The following MAGI2 variants were observed in gnomAD, a reference collection of about 807,000 sequenced individuals.
MAGI2 encodes the protein membrane associated guanylate kinase, WW and PDZ domain containing 2.
A neutral mutation model predicts 133.3 loss-of-function variants in MAGI2; 35 were observed. The observed-to-expected ratio is 0.26, with a 90% confidence interval of 0.20 to 0.35. MAGI2 has a LOEUF of 0.35. Among genes scored for constraint, MAGI2 ranks in the 10% least tolerant of loss-of-function variants. The pLI is 1.00. For synonymous variants in MAGI2, 729 were observed against 710.6 expected (o/e 1.03, Z -0.41); for missense variants, 1,636 against 1,863.4 (o/e 0.88, Z 2.25).
intron 2 of MAGI2, among the ~76,000 whole-genome samples, chr7:78,734,558 G>A (rs539931952): frequency 6.6e-6 from 1 of 152,294 alleles, no homozygotes; most frequent in East Asian, 1.9e-4. Flanking sequence ...CTTCCTGTAA[G>A]AGCAAAGTAC....
At chr7:78,730,085 CAAGAT>C (rs1821221297) in intron 2 of MAGI2, among the ~76,000 whole-genome samples, 1 of 152,042 alleles carries the variant, frequency 6.6e-6, no homozygotes, top group Non-Finnish European at 1.5e-5. Flanking sequence ...ACTCAAATTA[CAAGAT>C]AAGCATAGAA....
intron 1 of MAGI2, among the ~76,000 whole-genome samples, chr7:79,132,790 C>T (rs1246702223): frequency 6.6e-6 from 1 of 152,090 alleles, no homozygotes; most frequent in Non-Finnish European, 1.5e-5. Flanking sequence ...ATTCCCTTTT[C>T]TTCACATTCA....
chr7:78,975,331 A>C (rs1804153139), intron 2 of MAGI2, among the ~76,000 whole-genome samples: 1 of 151,822 alleles, frequency 6.6e-6, no homozygotes, highest in Admixed American at 6.6e-5. Context: ...GTATGTTCTC[A>C]GATCACCAAG....
At chr7:78,843,062 C>T (rs960694860) in intron 2 of MAGI2, among the ~76,000 whole-genome samples, 3 of 151,734 alleles carry the variant, frequency 2.0e-5, no homozygotes, top group Non-Finnish European at 2.9e-5. Context: ...ATCAGGATTT[C>T]TCAATTTTGG....
chr7:78,266,915 G>A (rs1372285220), intron 9 of MAGI2, among the ~76,000 whole-genome samples: 1 of 152,152 alleles, frequency 6.6e-6, no homozygotes, highest in Non-Finnish European at 1.5e-5. Context: ...AACCTTCTGA[G>A]AAGTTGCTTT....
chr7:78,719,113 C>T (rs1475250784), intron 2 of MAGI2, among the ~76,000 whole-genome samples: 1 of 152,134 alleles, frequency 6.6e-6, no homozygotes, highest in African/African-American at 2.4e-5. Context: ...TCTCTGCCTC[C>T]AGCTTTCCAA....
At chr7:78,628,630 T>A (rs1185546584) in intron 2 of MAGI2, among the ~76,000 whole-genome samples, 1 of 151,876 alleles carries the variant, frequency 6.6e-6, no homozygotes, top group Non-Finnish European at 1.5e-5. Context: ...GTTTTATAAC[T>A]CATCTTTGGG....
intron 10 of MAGI2, among the ~76,000 whole-genome samples, chr7:78,214,055 T>C (rs1453881988): frequency 6.6e-6 from 1 of 152,346 alleles, no homozygotes; most frequent in African/African-American, 2.4e-5. Context: ...GACCTCCTCA[T>C]GTTGACCTCT....
At chr7:78,949,709 C>T (rs933762193) in intron 2 of MAGI2, among the ~76,000 whole-genome samples, 1 of 152,114 alleles carries the variant, frequency 6.6e-6, no homozygotes, top group Admixed American at 6.6e-5. Flanking sequence ...AATTTCATTT[C>T]ATTGTTGTAG....
intron 6 of MAGI2, among the ~76,000 whole-genome samples, chr7:78,412,288 G>C (rs778297032): frequency 6.6e-6 from 1 of 152,032 alleles, no homozygotes; most frequent in Non-Finnish European, 1.5e-5. Context: ...GGTTCTCCTT[G>C]AGTAGATTCA....
At chr7:78,710,829 C>T (rs1819114997) in intron 2 of MAGI2, among the ~76,000 whole-genome samples, 1 of 152,110 alleles carries the variant, frequency 6.6e-6, no homozygotes, top group African/African-American at 2.4e-5. Flanking sequence ...TTATGCTTTG[C>T]AAAATTGATG....
chr7:79,189,798 C>T (rs1301281102), intron 1 of MAGI2, among the ~76,000 whole-genome samples: 2 of 151,668 alleles, frequency 1.3e-5, no homozygotes, highest in Non-Finnish European at 2.9e-5. Context: ...TCCCTCCCAC[C>T]CCTGACAACC....
intron 3 of MAGI2, chr7:78,616,065 T>C (rs1807053196): frequency 6.6e-6 from 1 of 152,160 alleles, no homozygotes; most frequent in Admixed American, 6.6e-5. Context: ...TCCTTCCTTA[T>C]AGTTTATCAA....
intron 2 of MAGI2, among the ~76,000 whole-genome samples, chr7:78,995,686 G>A (rs1223020995): frequency 6.6e-6 from 1 of 152,100 alleles, no homozygotes; most frequent in African/African-American, 2.4e-5. Flanking sequence ...TTGATTCAAT[G>A]TCTGTTGCTG....
intron 2 of MAGI2, among the ~76,000 whole-genome samples, chr7:78,779,818 C>T (rs1053642273): frequency 1.3e-5 from 2 of 152,178 alleles, no homozygotes; most frequent in African/African-American, 4.8e-5. Flanking sequence ...GTGCAACATC[C>T]CTTTCAATCC....
intron 6 of MAGI2, among the ~76,000 whole-genome samples, chr7:78,385,399 A>T (rs1205679310): frequency 1.3e-5 from 2 of 152,178 alleles, no homozygotes; most frequent in Non-Finnish European, 2.9e-5. Context: ...TATCACAGAC[A>T]GTGTCAAAGG....
intron 14 of MAGI2, among the ~76,000 whole-genome samples, chr7:78,172,309 A>T (rs111579451): frequency 2.0e-5 from 3 of 152,188 alleles, no homozygotes; most frequent in African/African-American, 7.2e-5. Context: ...AGCCTGGGAC[A>T]ACTTGCCACT....
At chr7:79,304,314 A>G (rs111755764) in intron 1 of MAGI2, among the ~76,000 whole-genome samples, 4,680 of 151,596 alleles carry the variant, frequency 0.031, 104 homozygotes, top group African/African-American at 0.049. Flanking sequence ...TCACCAAATC[A>G]TATACAAAGT....
At chr7:78,924,379 A>T (rs892797848) in intron 2 of MAGI2, among the ~76,000 whole-genome samples, 24 of 152,182 alleles carry the variant, frequency 1.6e-4, no homozygotes, top group Non-Finnish European at 5.9e-5. Flanking sequence ...ATCAATACCT[A>T]ATTTATTGAG....
Sources: allele counts gnomAD v4.1 joint callset (sites outside exome capture counted in the v4.1 genomes callset), GRCh38; gene constraint gnomAD v4.1.1; transcripts MANE v1.5; gene names NCBI Gene and HGNC (gene_info 2026-07-23, HGNC 2026-07-21).